Variants in PAQR3 observed in about 807,000 individuals in gnomAD.
The protein encoded by PAQR3 is progestin and adipoQ receptor family member 3, also known as Raf kinase trapping to Golgi.
Under a neutral mutation model 41.7 loss-of-function variants are expected in PAQR3, and 39 were observed. The observed-to-expected ratio is 0.93, with a 90% CI of 0.72 to 1.22. PAQR3 has a LOEUF of 1.22. Among genes scored for constraint, PAQR3 ranks in the 50% most tolerant of loss-of-function variants. The pLI is 0.00. For missense variants in PAQR3, 366 were observed against 385.6 expected, an observed-to-expected ratio of 0.95 and a Z score of 0.42; for synonymous variants, 140 against 140.6, an observed-to-expected ratio of 1.00 and a Z score of 0.03.
chr4:78,896,304 T>A (rs1339126812), intron 11 of PAQR3, among the ~76,000 whole-genome samples: 1 of 152,164 alleles, frequency 6.6e-6, no homozygotes, highest in Non-Finnish European at 1.5e-5. Flanking sequence ...TCAAAGCATG[T>A]GTATTGAAAA....
chr4:78,922,690 GCATTTTCTCATC>G (rs1735777048), intron 5 of PAQR3: 13 of 358,926 alleles, frequency 3.6e-5, no homozygotes, highest in South Asian at 2.8e-4. Flanking sequence ...CATGATATGT[GCATTTTCTCATC>G]TAACCCTCAT....
rs1734113727 is a variant in PAQR3 at position 78,903,330 on chromosome 4, C to T, written c.*836+2778G>A. Among the ~76,000 whole-genome samples, 3 of 152,000 alleles carry T rather than the reference C, an allele frequency of 2.0e-5. No homozygotes were observed. In the Middle Eastern group the frequency reaches 0.01, roughly 517 times the overall value. On this transcript the variant is annotated intron_variant and NMD_transcript_variant, in intron 11 of 12. Coordinates refer to the PAQR3 transcript ENST00000342820. ...TCACTAGAGTCAGATTAGCATGTTT[C>T]TGAATGCATAAATGTACATAATTAT... is the stretch of plus-strand genomic sequence containing the variant.
At chr4:78,898,403 GA>G (rs1008178571) in intron 11 of PAQR3, among the ~76,000 whole-genome samples, 3 of 151,786 alleles carry the variant, frequency 2.0e-5, no homozygotes, top group African/African-American at 4.8e-5. Context: ...TATGATTCTT[GA>G]AGAACTTCAG....
Position 78,913,707 on chromosome 4 carries a change from T to C in PAQR3, c.*6832A>G, listed in dbSNP as rs549844286. ...TGAACTTGGAAAGAAGCAAAGTATA[T>C]GTAACTAAACCACATATTTGTCTTT... On this transcript the variant is annotated 3_prime_UTR_variant, in exon 6 of 6. Coordinates refer to ENST00000512733, the MANE Select transcript of PAQR3 (RefSeq NM_001040202.2). The C allele has an allele frequency of 6.6e-6, 1 of 152,304 alleles. No individual in the cohort carries two copies. The highest frequency in any genetic ancestry group is 2.4e-5 in the African/African-American group (1 of 41,588). The allele number at this position is 152,304 out of a possible 1,614,324, so 9.4% of individuals were successfully genotyped here.
chr4:78,887,318 A>G (rs765271891), intron 12 of PAQR3: 1 of 1,440,998 alleles, frequency 6.9e-7, no homozygotes, highest in Middle Eastern at 1.7e-4. Context: ...CACTGTCACA[A>G]ATAAAACACA....
At chr4:78,892,397 T>C (rs1733485681) in intron 11 of PAQR3, among the ~76,000 whole-genome samples, 1 of 152,218 alleles carries the variant, frequency 6.6e-6, no homozygotes, top group African/African-American at 2.4e-5. Context: ...TCCAGTATCA[T>C]CATTTGAAAA....
At chr4:78,911,658 C>A (rs1385816736), downstream of PAQR3, 4 of 1,613,902 alleles carry the variant, frequency 2.5e-6, no homozygotes, top group Non-Finnish European at 3.4e-6. Context: ...AATTTTTAAC[C>A]ATCTCAGACT....
downstream of PAQR3, among the ~76,000 whole-genome samples, chr4:78,909,568 A>C (rs1409469635): frequency 2.0e-5 from 3 of 151,876 alleles, no homozygotes; most frequent in African/African-American, 7.3e-5. Flanking sequence ...ACAATAGCCT[A>C]TTTTCAGCCC....
chr4:78,904,347 T>G (rs186105532), intron 11 of PAQR3, among the ~76,000 whole-genome samples: 2 of 152,090 alleles, frequency 1.3e-5, no homozygotes, highest in Admixed American at 6.5e-5. Context: ...CCCTTGGCAC[T>G]GTGCTTCAGG....
chr4:78,887,263 GTTCCT>G (rs1560546516), exon 13 of PAQR3: 5 of 1,608,442 alleles, frequency 3.1e-6, no homozygotes, highest in East Asian at 2.2e-5. Flanking sequence ...TTTTGGTTCT[GTTCCT>G]TTCATTTCTC....
At position 78,920,361 on chromosome 4, in the gene PAQR3, T is replaced by G; in HGVS notation, c.*178A>C. 8.1e-7 allele frequency: 1 copy of G among 1,230,942 alleles called. No individual in the cohort carries two copies. 76.3% of individuals were successfully genotyped at this position (1,230,942 alleles called of 1,614,324 possible). ...CAGCAAATTAGTAGTTTTAAGGATT[T>G]TGTAAAGCAGTTATTACTACAGATC... On this transcript the variant is annotated 3_prime_UTR_variant, in exon 6 of 6. Coordinates refer to ENST00000512733, the MANE Select transcript of PAQR3 (RefSeq NM_001040202.2).
chr4:78,918,295 A>G lies in PAQR3; in HGVS notation c.*2244T>C. On this transcript the variant is annotated 3_prime_UTR_variant, in exon 6 of 6. Transcript: ENST00000512733. Reference sequence around the variant, plus strand: ...TTAAATATACATCATTACAAGGCTCAGATTTGTAGACAACTTTAAAATATT... The same window carrying G: ...TTAAATATACATCATTACAAGGCTCGGATTTGTAGACAACTTTAAAATATT... 1 of 959,022 alleles carries G rather than the reference A, an allele frequency of 1.0e-6. No individual in the cohort carries two copies. The highest frequency in any genetic ancestry group is 1.2e-6 in the Non-Finnish European group (1 of 805,590). 59.4% of individuals were successfully genotyped at this position (959,022 alleles called of 1,614,324 possible).
exon 13 of PAQR3, chr4:78,887,288 A>G (rs1056546774): frequency 6.3e-7 from 1 of 1,584,276 alleles, no homozygotes; most frequent in Non-Finnish European, 8.6e-7. Flanking sequence ...CATTCAGGCA[A>G]GTTACACATG....
intron 11 of PAQR3, among the ~76,000 whole-genome samples, chr4:78,895,144 T>TA (rs1310984514): frequency 6.6e-6 from 1 of 152,174 alleles, no homozygotes; most frequent in East Asian, 1.9e-4. Context: ...GAATGTGACA[T>TA]AGAGACACAA....
At chr4:78,887,576 C>T (rs542296384) in intron 12 of PAQR3, among the ~76,000 whole-genome samples, 1 of 152,056 alleles carries the variant, frequency 6.6e-6, no homozygotes, top group South Asian at 2.1e-4. Context: ...TATTTTTATA[C>T]TTGGCTTTTG....
At chr4:78,887,701 T>C (rs1733174891) in intron 12 of PAQR3, among the ~76,000 whole-genome samples, 1 of 152,198 alleles carries the variant, frequency 6.6e-6, no homozygotes, top group African/African-American at 2.4e-5. Context: ...TCTTCTTATA[T>C]CCCTCTTTTG....
At chr4:78,887,387 A>G in intron 12 of PAQR3, 2 of 805,850 alleles carry the variant, frequency 2.5e-6, no homozygotes, top group Non-Finnish European at 4.1e-6. Context: ...AGTTAGCTAC[A>G]GAAAGTAGAA....
rs982639816 is a variant in PAQR3, at chr4:78,918,343, A to G, written c.*2196T>C. Reference sequence around the variant, plus strand: ...ATTTTTTAATGTTAACAATGTCTTCAAAATTTTACCAGTAGTGCTGTGCAC... The same window carrying G: ...ATTTTTTAATGTTAACAATGTCTTCGAAATTTTACCAGTAGTGCTGTGCAC... On this transcript the variant is annotated 3_prime_UTR_variant, in exon 6 of 6. Coordinates refer to ENST00000512733, the MANE Select transcript of PAQR3 (RefSeq NM_001040202.2). The G allele has an allele frequency of 3.1e-6, 3 of 977,928 alleles. No homozygotes were observed. The African/African-American group carries it at 5.3e-5, about 17-fold the overall frequency. The allele number at this position is 977,928 out of a possible 1,614,324, so 60.6% of individuals were successfully genotyped here.
At chr4:78,920,812 G>T in intron 5 of PAQR3, 131 bp from the exon 6 acceptor site, 1 of 948,190 alleles carries the variant, frequency 1.1e-6, no homozygotes, top group Non-Finnish European at 1.5e-6. Context: ...CTAACTGGAA[G>T]CTCCAAACGT....
Sources: gnomAD v4.1 joint callset for allele counts (sites outside exome capture counted in the v4.1 genomes callset) on GRCh38, gnomAD v4.1.1 for gene constraint, MANE v1.5 for transcripts, NCBI Gene and HGNC (gene_info 2026-07-23, HGNC 2026-07-21) for gene names.